Variants in IHO1 observed in about 807,000 individuals in gnomAD.
IHO1 encodes the protein interactor of HORMAD1 protein 1.
In IHO1, 13 loss-of-function variants were observed where a neutral mutation model predicts 31.0. The ratio of observed to expected loss-of-function variants is 0.42; its 90% CI spans 0.27 to 0.67. The LOEUF (loss-of-function observed/expected upper bound fraction) is 0.67. IHO1 is among the 30% of genes least tolerant of loss of function. The pLI is 0.24. For missense variants in IHO1, 599 were observed against 687.5 expected (o/e 0.87, Z 1.44); for synonymous variants, 221 against 248.4 (o/e 0.89, Z 1.04).
chr3:49,215,776 T>G (rs1465264723), intron 2 of IHO1, among the ~76,000 whole-genome samples: 3 of 152,298 alleles, frequency 2.0e-5, no homozygotes, highest in South Asian at 4.1e-4. Flanking sequence ...AGGCATCTAG[T>G]GCAGTGATCT....
chr3:49,225,567 AG>A (rs1276178566), intron 2 of IHO1, among the ~76,000 whole-genome samples: 1 of 152,178 alleles, frequency 6.6e-6, no homozygotes, highest in Non-Finnish European at 1.5e-5. Context: ...CTCCACCGGT[AG>A]GGGACAACAA....
chr3:49,226,410 C>T (rs777905612), intron 2 of IHO1, among the ~76,000 whole-genome samples: 4 of 152,138 alleles, frequency 2.6e-5, no homozygotes, highest in East Asian at 1.9e-4. Context: ...TAAGGCTTCC[C>T]GTAACCGCGC....
rs369426211 is a variant in IHO1, at chr3:49,246,443, G to A, written c.532+1710G>A. On this transcript the variant is annotated intron_variant, in intron 6 of 7. Transcript: ENST00000452691. ...GAGGATCACTTGAGGCCAGGAGTTC[G>A]AGACCAGCCTGGCCAAAATGACGAA... Among the ~76,000 whole-genome samples, 64 of 152,136 alleles carry A rather than the reference G, an allele frequency of 4.2e-4. 2 individuals carry two copies. In the South Asian group the frequency reaches 0.012, roughly 30 times the overall value.
the IHO1 span, among the ~76,000 whole-genome samples, chr3:49,192,986 G>A: frequency 6.6e-6 from 1 of 152,116 alleles, no homozygotes; most frequent in Non-Finnish European, 1.5e-5. Flanking sequence ...TTGACCAACG[G>A]GACAATAAGA....
In IHO1 at chr3:49,255,496, A is replaced by ACGGCGACCACCG; in HGVS notation, c.636+3_636+4insCGGCGACCACCG. The stretch of plus-strand genomic sequence containing the variant: ...AGATGAAGAAAAGATTTGAAGCTGT[A>ACGGCGACCACCG]AGTGTAAACCCCAACCTCTTTCTAA... On this transcript the variant is annotated splice_donor_region_variant and intron_variant, in intron 7 of 7. Transcript: ENST00000452691. The ACGGCGACCACCG allele has an allele frequency of 6.3e-7, 1 of 1,586,274 alleles. No individual in the cohort carries two copies. The highest frequency in any genetic ancestry group is 8.6e-7 in the Non-Finnish European group (1 of 1,167,258).
At chr3:49,222,118 G>A (rs1313931897) in intron 2 of IHO1, among the ~76,000 whole-genome samples, 1 of 152,234 alleles carries the variant, frequency 6.6e-6, no homozygotes, top group Non-Finnish European at 1.5e-5. Context: ...AACTGTCTGA[G>A]AAATCCTTTG....
chr3:49,223,006 T>A (rs1265221952), intron 2 of IHO1, among the ~76,000 whole-genome samples: 1 of 152,210 alleles, frequency 6.6e-6, no homozygotes, highest in Non-Finnish European at 1.5e-5. Flanking sequence ...ACACTAGATC[T>A]CCTGGTTGAA....
At chr3:49,233,337 T>G (rs2046506663) in intron 2 of IHO1, among the ~76,000 whole-genome samples, 1 of 152,166 alleles carries the variant, frequency 6.6e-6, no homozygotes, top group South Asian at 2.1e-4. Flanking sequence ...GGCTCTTAAA[T>G]AAGATTGAAA....
intron 6 of IHO1, among the ~76,000 whole-genome samples, chr3:49,247,525 C>T (rs2046709657): frequency 6.6e-6 from 1 of 151,448 alleles, no homozygotes; most frequent in Admixed American, 6.6e-5. Flanking sequence ...AGACACCACG[C>T]CCAGCCTAAT....
intron 6 of IHO1, among the ~76,000 whole-genome samples, chr3:49,254,799 C>T (rs1389394142): frequency 3.9e-5 from 6 of 152,090 alleles, no homozygotes; most frequent in Admixed American, 3.9e-4. Context: ...CATGGTGGCT[C>T]ACGCCTGTAA....
chr3:49,238,173 G>A (rs2046583361), intron 3 of IHO1, among the ~76,000 whole-genome samples: 1 of 152,040 alleles, frequency 6.6e-6, no homozygotes, highest in South Asian at 2.1e-4. Flanking sequence ...CAAAGTGCTG[G>A]GATTACAGGT....
upstream of IHO1, among the ~76,000 whole-genome samples, chr3:49,197,147 ATTT>A (rs71077772): frequency 7.9e-6 from 1 of 126,970 alleles, no homozygotes. Context: ...CAGCCGGCTA[ATTT>A]TTTTTTTTTT....
At chr3:49,244,098 G>C (rs1460536102) in intron 4 of IHO1, among the ~76,000 whole-genome samples, 1 of 151,896 alleles carries the variant, frequency 6.6e-6, no homozygotes, top group Non-Finnish European at 1.5e-5. Flanking sequence ...GGAATTACAG[G>C]TGCCCACCAC....
intron 2 of IHO1, among the ~76,000 whole-genome samples, chr3:49,233,748 A>T (rs1408418522): frequency 6.6e-6 from 1 of 152,228 alleles, no homozygotes; most frequent in Non-Finnish European, 1.5e-5. Context: ...GGCCATAAAC[A>T]AAATCTCTGC....
chr3:49,241,920 CATTATT>C lies in IHO1; in HGVS notation c.395+544_395+549del, dbSNP rs566400386. On this transcript the variant is annotated intron_variant, in intron 4 of 7. Transcript: ENST00000452691. ...ATAGGCGTGAGCCACTGTGCCTGGC[CATTATT>C]ATTATTATTATTTATTTTATTATTA... Among the ~76,000 whole-genome samples, 3 of 151,228 alleles carry C rather than the reference CATTATT, an allele frequency of 2.0e-5. No homozygotes were observed. The East Asian group carries it at 5.8e-4, about 29-fold the overall frequency.
At chr3:49,232,380 A>G (rs186476621) in intron 2 of IHO1, among the ~76,000 whole-genome samples, 3 of 152,362 alleles carry the variant, frequency 2.0e-5, no homozygotes, top group Admixed American at 1.3e-4. Flanking sequence ...CAGCAGCTGA[A>G]CAGCATCTAC....
intron 1 of IHO1, among the ~76,000 whole-genome samples, chr3:49,201,688 G>A (rs140224686): frequency 2.6e-5 from 4 of 152,174 alleles, no homozygotes; most frequent in Non-Finnish European, 2.9e-5. Flanking sequence ...AAGCCGAGGC[G>A]GGTGAATCAC....
intron 6 of IHO1, 109 bp downstream of exon 6, chr3:49,244,842 G>C (rs1559451038): frequency 3.3e-6 from 3 of 921,316 alleles, no homozygotes; most frequent in Non-Finnish European, 5.4e-6. Flanking sequence ...CAGGGTTTCA[G>C]ATGAGAGGAT....
chr3:49,215,773 T>C (rs553091264), intron 2 of IHO1, among the ~76,000 whole-genome samples: 1 of 152,330 alleles, frequency 6.6e-6, no homozygotes, highest in East Asian at 1.9e-4. Context: ...AGGAGGCATC[T>C]AGTGCAGTGA....
Sources: gnomAD v4.1 joint callset for allele counts (sites outside exome capture counted in the v4.1 genomes callset) on GRCh38, gnomAD v4.1.1 for gene constraint, MANE v1.5 for transcripts, NCBI Gene and HGNC (gene_info 2026-07-23, HGNC 2026-07-21) for gene names.